ZMYM2: variants seen among roughly 807,000 people sequenced by gnomAD.
The protein encoded by ZMYM2 is zinc finger MYM-type protein 2.
In ZMYM2, 56 loss-of-function variants were observed where a neutral mutation model predicts 162.8. The ratio of observed to expected loss-of-function variants is 0.34; its 90% CI spans 0.28 to 0.43. ZMYM2 has a LOEUF of 0.43. Among genes scored for constraint, ZMYM2 ranks in the 20% least tolerant of loss-of-function variants. The pLI is 1.00. For missense variants in ZMYM2, 1,275 were observed against 1,621.8 expected (o/e 0.79, Z 3.67); for synonymous variants, 510 against 541.6 (o/e 0.94, Z 0.81).
chr13:20,058,437 T>C (rs1427337444), intron 14 of ZMYM2, 138 bp from the exon 15 acceptor site: 6 of 986,296 alleles, frequency 6.1e-6, no homozygotes, highest in African/African-American at 1.6e-5. Flanking sequence ...ATGGTGAACA[T>C]AGGGATAATA....
At chr13:20,037,213 A>ATTT (rs754909177) in intron 12 of ZMYM2, among the ~76,000 whole-genome samples, 988 of 90,318 alleles carry the variant, frequency 0.011, 3 homozygotes, top group African/African-American at 0.013. Flanking sequence ...ACTAAGTAGA[A>ATTT]TTTTTTTTTT....
At chr13:20,020,740 T>C (rs940361545) in intron 7 of ZMYM2, among the ~76,000 whole-genome samples, 7 of 152,256 alleles carry the variant, frequency 4.6e-5, no homozygotes, top group African/African-American at 1.7e-4. Context: ...TTTTTCCTTC[T>C]GTACTCCATT....
the ZMYM2 span, among the ~76,000 whole-genome samples, chr13:19,877,225 A>AC: frequency 2.0e-5 from 3 of 151,852 alleles, no homozygotes; most frequent in East Asian, 1.9e-4. Flanking sequence ...AAAAAAAAAA[A>AC]AAACAAAGAA....
the ZMYM2 span, among the ~76,000 whole-genome samples, chr13:19,910,737 T>C: frequency 6.6e-6 from 1 of 152,076 alleles, no homozygotes; most frequent in Non-Finnish European, 1.5e-5. Flanking sequence ...GAAATTATAC[T>C]GGGAAATTAC....
intron 2 of ZMYM2, among the ~76,000 whole-genome samples, chr13:19,980,184 A>T (rs1473330803): frequency 6.6e-6 from 1 of 151,982 alleles, no homozygotes; most frequent in Non-Finnish European, 1.5e-5. Context: ...TGGCTCCCCA[A>T]ATTTTTATTT....
the ZMYM2 span, among the ~76,000 whole-genome samples, chr13:19,892,777 T>A: frequency 6.6e-6 from 1 of 150,788 alleles, no homozygotes; most frequent in East Asian, 2.0e-4. Flanking sequence ...TGCAGTGGTG[T>A]AATGTCAGCT....
chr13:20,054,996 G>T (rs1405976670), intron 14 of ZMYM2, among the ~76,000 whole-genome samples: 5 of 142,942 alleles, frequency 3.5e-5, no homozygotes, highest in African/African-American at 7.7e-5. Flanking sequence ...ACATGGGGTT[G>T]TTTTTTTTTT....
chr13:19,966,686 C>T lies in ZMYM2; in HGVS notation c.-11+6660C>T, dbSNP rs527648076. Among the ~76,000 whole-genome samples, 20 of 152,250 alleles carry T rather than the reference C, an allele frequency of 1.3e-4. 1 individual carries two copies. The highest frequency in any genetic ancestry group is 1.2e-3 in the Admixed American group (18 of 15,282). On this transcript the variant is annotated intron_variant, in intron 2 of 24. Transcript: ENST00000610343. ...GAACTCCTGACCTCAGGTGATCTGC[C>T]TGCCTTGGCCTCCCAAAGTGCTGGG... is the stretch of plus-strand genomic sequence containing the variant.
intron 14 of ZMYM2, among the ~76,000 whole-genome samples, chr13:20,057,835 C>T (rs866223267): frequency 7.9e-5 from 12 of 152,210 alleles, no homozygotes; most frequent in Middle Eastern, 3.4e-3. Context: ...TTGGGGCAAC[C>T]GTATAGAACA....
chr13:19,870,855 G>A, the ZMYM2 span, among the ~76,000 whole-genome samples: 15 of 151,790 alleles, frequency 9.9e-5, no homozygotes, highest in Non-Finnish European at 2.1e-4. Flanking sequence ...TCCGACTCCC[G>A]ACCTCAGGTG....
chr13:20,047,479 A>G (rs1359245744), intron 12 of ZMYM2, among the ~76,000 whole-genome samples: 1 of 152,194 alleles, frequency 6.6e-6, no homozygotes, highest in Non-Finnish European at 1.5e-5. Context: ...AAGGAAAAAA[A>G]GTGCTTCATC....
intron 6 of ZMYM2, among the ~76,000 whole-genome samples, chr13:20,011,573 G>GTTTTTTTTT (rs764404253): frequency 4.9e-5 from 7 of 144,260 alleles, no homozygotes; most frequent in Admixed American, 1.4e-4. Flanking sequence ...TTATTTTTTT[G>GTTTTTTTTT]TTTTATTTTT....
At chr13:19,917,420 C>G in the ZMYM2 span, among the ~76,000 whole-genome samples, 4 of 151,884 alleles carry the variant, frequency 2.6e-5, no homozygotes, top group East Asian at 5.9e-4. Flanking sequence ...GAAGCCCCAT[C>G]TCTACCAAAA....
intron 19 of ZMYM2, 67 bp from the exon 20 acceptor site, chr13:20,066,784 C>G: frequency 7.2e-7 from 1 of 1,392,616 alleles, no homozygotes; most frequent in Non-Finnish European, 9.4e-7. Flanking sequence ...TGAGAGATGG[C>G]TTGTATAAAG....
At chr13:19,972,873 A>AT (rs890682173) in intron 2 of ZMYM2, among the ~76,000 whole-genome samples, 24 of 151,334 alleles carry the variant, frequency 1.6e-4, no homozygotes, top group African/African-American at 5.8e-4. Context: ...ACAAGTATCG[A>AT]TTTTTTGTTA....
chr13:20,080,344 A>G (rs1219696260), intron 21 of ZMYM2, among the ~76,000 whole-genome samples: 1 of 152,180 alleles, frequency 6.6e-6, no homozygotes, highest in Non-Finnish European at 1.5e-5. Flanking sequence ...AGATGATGGC[A>G]TTCTTATGTT....
At chr13:19,913,873 G>C in the ZMYM2 span, among the ~76,000 whole-genome samples, 1 of 152,202 alleles carries the variant, frequency 6.6e-6, no homozygotes, top group Non-Finnish European at 1.5e-5. Flanking sequence ...CTGCATCTAT[G>C]TTGATAGAGG....
In ZMYM2 at chr13:20,067,365, A is replaced by G. The variant is rs368114931; in HGVS notation, c.3428A>G (p.Tyr1143Cys). The G allele has an allele frequency of 2.5e-6, 4 of 1,610,362 alleles. No individual in the cohort carries two copies. The highest frequency in any genetic ancestry group is 1.1e-5 in the South Asian group (1 of 90,214). ...GAGAATTATGCACCTGACAGCATCT[A>G]TTACCTTTGCCTTGGAATACAGGAG... is the stretch of plus-strand genomic sequence containing the variant. ...NGENYAPDSI[Y>C]YLCLGIQEYL... Residue 1143 changes from tyrosine (Y) to cysteine (C), a missense_variant, in exon 21 of 25, where the codon TAT (tyrosine) becomes TGT (cysteine). Physicochemically the swap from Tyr to Cys is radical, Grantham distance 194. Around this residue, in one of 10 missense-constraint regions of ZMYM2, gnomAD observed 229 missense variants for 283.8 expected, o/e 0.81. Transcript: ENST00000610343.
At chr13:20,076,356 T>G (rs972768498) in intron 21 of ZMYM2, among the ~76,000 whole-genome samples, 4 of 150,604 alleles carry the variant, frequency 2.7e-5, no homozygotes, top group African/African-American at 7.5e-5. Context: ...ATAATTATCC[T>G]AAAGAACTGA....
Sources: gnomAD v4.1 joint callset for allele counts (sites outside exome capture counted in the v4.1 genomes callset) on GRCh38, gnomAD v4.1.1 for gene constraint, gnomAD v4.1.1 regional missense constraint, MANE v1.5 for transcripts, NCBI Gene and HGNC (gene_info 2026-07-23, HGNC 2026-07-21) for gene names.